The following ADAMTS14 variants were observed in gnomAD, a reference collection of about 807,000 sequenced individuals.
ADAMTS14 encodes the protein ADAM metallopeptidase with thrombospondin type 1 motif 14.
In ADAMTS14, 100 loss-of-function variants were observed where a neutral mutation model predicts 128.6. The observed-to-expected ratio is 0.78, with a 90% CI of 0.66 to 0.92. The LOEUF is 0.92. Ranked by LOEUF, ADAMTS14 falls within the 40% of genes least tolerant of loss-of-function variation. The probability of loss-of-function intolerance (pLI) is 0.00; values close to 1 mark genes in which losing one functional copy is unlikely to be tolerated. For missense variants in ADAMTS14, 1,562 were observed against 1,658.6 expected (o/e 0.94, Z 1.01); for synonymous variants, 665 against 653.8 (o/e 1.02, Z -0.26).
Position 70,753,974 on chromosome 10 carries a change from C to A in ADAMTS14, c.2904C>A (p.Cys968Ter). ...EARRPCLRVPCPAQWRLGAWS... is the reference protein window; with the variant it reads ...EARRPCLRVP ...GACGGCCCTGTCTCCGAGTGCCCTG[C>A]CCAGCCCAGTGGAGGCTGGGAGCCT... The change falls in exon 19 of 22, where the codon TGC becomes TGA. Residue 968 changes from cysteine to a stop codon, truncating the protein, a stop_gained. Coordinates refer to ENST00000373207, the MANE Select transcript of ADAMTS14 (RefSeq NM_080722.4). LOFTEE classifies it high-confidence loss of function. 1.0e-5 allele frequency: 16 copies of A among 1,579,222 alleles called. No homozygotes were observed. The highest frequency in any genetic ancestry group is 1.1e-5 in the Non-Finnish European group (13 of 1,164,236).
chr10:70,686,883 ACC>A (rs1207005830), intron 2 of ADAMTS14, among the ~76,000 whole-genome samples: 1 of 58,922 alleles, frequency 1.7e-5, no homozygotes, highest in Non-Finnish European at 3.5e-5. Context: ...GGGGGGGCTG[ACC>A]CCCCCCACCT....
chr10:70,748,757 GAC>G (rs1554823092), intron 15 of ADAMTS14, among the ~76,000 whole-genome samples: 1 of 152,214 alleles, frequency 6.6e-6, no homozygotes, highest in Non-Finnish European at 1.5e-5. Flanking sequence ...GCTCTTATAT[GAC>G]AGTTATGACC....
intron 1 of ADAMTS14, among the ~76,000 whole-genome samples, chr10:70,673,642 G>C (rs1442407221): frequency 6.6e-6 from 1 of 152,188 alleles, no homozygotes; most frequent in Non-Finnish European, 1.5e-5. Flanking sequence ...TGTGGGCATG[G>C]GGGATTTTCA....
In ADAMTS14 at chr10:70,700,398, C is replaced by T. The variant is rs571217733; in HGVS notation, c.523-1914C>T. Among the ~76,000 whole-genome samples the T allele has an allele frequency of 5.3e-5, 8 of 152,254 alleles. No individual in the cohort carries two copies. The South Asian group carries it at 1.0e-3, about 20-fold the overall frequency. On this transcript the variant is annotated intron_variant, in intron 2 of 21. Transcript: ENST00000373207. ...TCTCCCTTCTGCCTGCTGTGGAAAC[C>T]TGGGCTGACAGTCCCTGGGTGACCT...
intron 2 of ADAMTS14, among the ~76,000 whole-genome samples, chr10:70,682,035 C>T (rs1839824747): frequency 6.6e-6 from 1 of 152,242 alleles, no homozygotes; most frequent in Admixed American, 6.5e-5. Flanking sequence ...CTGTGCTGTT[C>T]ACACCTTCCC....
chr10:70,719,078 C>T (rs948625523), intron 4 of ADAMTS14, among the ~76,000 whole-genome samples: 7 of 151,966 alleles, frequency 4.6e-5, no homozygotes, highest in Non-Finnish European at 8.8e-5. Context: ...GGGGTGCTAC[C>T]GGCATCTAGT....
chr10:70,676,489 G>A (rs999439048), intron 2 of ADAMTS14, among the ~76,000 whole-genome samples: 3 of 152,220 alleles, frequency 2.0e-5, no homozygotes, highest in Non-Finnish European at 4.4e-5. Context: ...TCTCATAGTT[G>A]AGCATGCACT....
At position 70,749,824 on chromosome 10, in the gene ADAMTS14, G is replaced by T; in HGVS notation, c.2266G>T (p.Val756Leu). Residue 756 changes from valine (V) to leucine (L), a missense_variant and splice_region_variant, in exon 16 of 22, where the codon GTG (valine) becomes TTG (leucine). Physicochemically the swap from Val to Leu is conservative, Grantham distance 32. Coordinates refer to ENST00000373207, the MANE Select transcript of ADAMTS14 (RefSeq NM_080722.4). ...GACCCTCTCCCCCCACCGGTCAGTG[G>T]TGAAGAACCAGGTCACCGGCAGCTT... ...ALEKSPHRIVVKNQVTGSFIL... is the reference protein window; with the variant it reads ...ALEKSPHRIVLKNQVTGSFIL... 6.2e-7 allele frequency: 1 copy of T among 1,613,826 alleles called. No homozygotes were observed. The highest frequency in any genetic ancestry group is 8.5e-7 in the Non-Finnish European group (1 of 1,179,958).
At chr10:70,749,285 C>T (rs1480401415) in intron 15 of ADAMTS14, among the ~76,000 whole-genome samples, 1 of 152,200 alleles carries the variant, frequency 6.6e-6, no homozygotes, top group Non-Finnish European at 1.5e-5. Flanking sequence ...TTTCTATCAT[C>T]CTCCTGGGGC....
rs147652549 is a variant in ADAMTS14 at position 70,708,713 on chromosome 10, G to A, written c.805G>A (p.Asp269Asn). ...CATCGAGGTGCTGCTGGTGGTGGAC[G>A]ACTCGGTGGTTCGCTTCCATGGCAA... ...YSIEVLLVVD[D>N]SVVRFHGKEH... is the part of the protein sequence containing the mutation. Residue 269 changes from aspartate (D) to asparagine (N), a missense_variant, in exon 4 of 22, where the codon GAC (aspartate) becomes AAC (asparagine). Physicochemically the swap from Asp to Asn is conservative, Grantham distance 23. Coordinates refer to ENST00000373207, the MANE Select transcript of ADAMTS14 (RefSeq NM_080722.4). 149 of 1,613,472 alleles carry A rather than the reference G, an allele frequency of 9.2e-5. No homozygotes were observed. Among genetic ancestry groups the A allele is most frequent in the Middle Eastern group, 1.6e-4 (1 of 6,062 alleles).
rs376783762 is a variant in ADAMTS14, at chr10:70,702,412, G to T, written c.623G>T (p.Arg208Leu). The T allele has an allele frequency of 2.5e-6, 4 of 1,613,774 alleles. No homozygotes were observed. Among genetic ancestry groups the T allele is most frequent in the East Asian group, 2.2e-5 (1 of 44,874 alleles). Residue 208 changes from arginine to leucine, a missense_variant, in exon 3 of 22, where the codon CGC becomes CTC. Transcript: ENST00000373207. ...AGCGGGAGGACACATGTGGTGTACC[G>T]CCGGGAGGCCGTCCAGCAGGAGTGG... ...EASGRTHVVY[R>L]REAVQQEWAE...
At chr10:70,707,234 G>A (rs940585058) in intron 3 of ADAMTS14, among the ~76,000 whole-genome samples, 3 of 152,156 alleles carry the variant, frequency 2.0e-5, no homozygotes, top group South Asian at 2.1e-4. Flanking sequence ...CCTACCCACC[G>A]TCCATCCATT....
chr10:70,709,079 G>A (rs1840757597), intron 4 of ADAMTS14, among the ~76,000 whole-genome samples: 1 of 152,234 alleles, frequency 6.6e-6, no homozygotes, highest in African/African-American at 2.4e-5. Flanking sequence ...GTGGACAGTG[G>A]GTTCTGGGCT....
chr10:70,760,967 A>AT lies in ADAMTS14; in HGVS notation c.*116dup, dbSNP rs1381914624. On this transcript the variant is annotated 3_prime_UTR_variant, in exon 22 of 22. Coordinates refer to ENST00000373207, the MANE Select transcript of ADAMTS14 (RefSeq NM_080722.4). ...GCAAGCACAGACTTCATTTTAAATCATTCGCCTTCTTCTCGTTTGGGGCTG... is the reference window on the plus strand; with the variant it reads ...GCAAGCACAGACTTCATTTTAAATCATTTCGCCTTCTTCTCGTTTGGGGCTG... 6 of 1,368,562 alleles carry AT rather than the reference A, an allele frequency of 4.4e-6. No individual in the cohort carries two copies. The highest frequency in any genetic ancestry group is 5.8e-6 in the Non-Finnish European group (6 of 1,042,892). The allele number at this position is 1,368,562 out of a possible 1,614,324, so 84.8% of individuals were successfully genotyped here. A position where few individuals can be genotyped will look rare whatever the true frequency, so the allele number is the denominator to read the frequency against.
chr10:70,737,540 C>A (rs886089434), intron 10 of ADAMTS14, among the ~76,000 whole-genome samples: 2 of 152,178 alleles, frequency 1.3e-5, no homozygotes, highest in Non-Finnish European at 2.9e-5. Flanking sequence ...AGGAGCCCAG[C>A]CCCAGGGCCA....
intron 21 of ADAMTS14, among the ~76,000 whole-genome samples, 178 bp downstream of exon 21, chr10:70,758,463 C>T (rs888249642): frequency 6.6e-6 from 1 of 152,146 alleles, no homozygotes; most frequent in East Asian, 1.9e-4. Context: ...GTCCATGAGC[C>T]GTTACCTGCA....
At chr10:70,672,906 G>C in intron 1 of ADAMTS14, 22 bp downstream of exon 1, 1 of 1,439,132 alleles carries the variant, frequency 6.9e-7, no homozygotes, top group Non-Finnish European at 9.0e-7. Flanking sequence ...TTGGGCGCGC[G>C]GGGGCCCGTG....
chr10:70,677,844 A>T (rs1839693328), intron 2 of ADAMTS14, among the ~76,000 whole-genome samples: 1 of 152,230 alleles, frequency 6.6e-6, no homozygotes. Context: ...CCAGTGACCC[A>T]GCTGAGCTCA....
In ADAMTS14 at chr10:70,727,367, T is replaced by A. The variant is rs192180144; in HGVS notation, c.871-1927T>A. ...CAATGGTTGCTTTGTGGGTTGTAGG[T>A]TGATCACTTTGCTTTTGAGTGGAAA... On this transcript the variant is annotated intron_variant, in intron 4 of 21. Transcript: ENST00000373207. Among the ~76,000 whole-genome samples, 14 of 152,348 alleles carry A rather than the reference T, an allele frequency of 9.2e-5. No individual in the cohort carries two copies. In the East Asian group the frequency reaches 2.5e-3, roughly 27 times the overall value.
Sources: allele counts gnomAD v4.1 joint callset (sites outside exome capture counted in the v4.1 genomes callset), GRCh38; gene constraint gnomAD v4.1.1; transcripts MANE v1.5; gene names NCBI Gene and HGNC (gene_info 2026-07-23, HGNC 2026-07-21).